Variants in GRK4 observed in about 807,000 individuals in gnomAD.
GRK4 encodes the protein G protein-coupled receptor kinase 2-like.
In GRK4, 73 loss-of-function variants were observed where a neutral mutation model predicts 77.9. The ratio of observed to expected loss-of-function variants is 0.94; its 90% CI spans 0.78 to 1.14. The LOEUF (loss-of-function observed/expected upper bound fraction) is 1.14. Among genes scored for constraint, GRK4 ranks in the 50% most tolerant of loss-of-function variants. The pLI is 0.00. For missense variants in GRK4, 729 were observed against 700.2 expected (o/e 1.04, Z -0.46); for synonymous variants, 257 against 254.4 (o/e 1.01, Z -0.10).
chr4:2,988,382 A>G (rs554886131), intron 2 of GRK4, among the ~76,000 whole-genome samples: 1 of 152,224 alleles, frequency 6.6e-6, no homozygotes, highest in South Asian at 2.1e-4. Flanking sequence ...GTCTGTTCCA[A>G]TCTTTTATCC....
At chr4:3,002,324 C>T (rs773822656) in intron 4 of GRK4, among the ~76,000 whole-genome samples, 1 of 152,070 alleles carries the variant, frequency 6.6e-6, no homozygotes, top group Non-Finnish European at 1.5e-5. Flanking sequence ...TGGACCCAGG[C>T]TGGGCACAGT....
At chr4:3,017,499 A>G (rs574758270) in intron 8 of GRK4, among the ~76,000 whole-genome samples, 2 of 152,358 alleles carry the variant, frequency 1.3e-5, no homozygotes, top group East Asian at 3.9e-4. Context: ...TTTAATATAT[A>G]TTAAGCAGAT....
intron 3 of GRK4, among the ~76,000 whole-genome samples, chr4:2,990,457 A>G (rs1216332192): frequency 1.3e-5 from 2 of 151,976 alleles, no homozygotes; most frequent in Non-Finnish European, 2.9e-5. Context: ...GGGTTTCCCC[A>G]TGTTGGCTAG....
intron 5 of GRK4, among the ~76,000 whole-genome samples, chr4:3,005,525 G>A (rs1239522006): frequency 5.3e-5 from 8 of 152,074 alleles, no homozygotes; most frequent in East Asian, 1.9e-4. Flanking sequence ...CACACAGGCC[G>A]GGCGCGGTGG....
At position 2,963,766 on chromosome 4, in the gene GRK4, G is replaced by C; in HGVS notation, c.-305G>C. On this transcript the variant is annotated 5_prime_UTR_variant, in exon 1 of 16. Transcript: ENST00000398052. ...AGGGAGTTGCGCGCGCGAGGCGAGG[G>C]CGATGGGGCCAAGAAGAACCGGGGC... The C allele has an allele frequency of 2.1e-6, 1 of 473,690 alleles. No individual in the cohort carries two copies. 29.3% of individuals were successfully genotyped at this position (473,690 alleles called of 1,614,324 possible). A position where few individuals can be genotyped will look rare whatever the true frequency, so the allele number is the denominator to read the frequency against.
At chr4:2,992,403 G>A in intron 4 of GRK4, 111 bp downstream of exon 4, 1 of 680,462 alleles carries the variant, frequency 1.5e-6, no homozygotes, top group Non-Finnish European at 2.5e-6. Flanking sequence ...AATTTGGCTG[G>A]GTGTGATGCC....
At chr4:2,996,274 G>A (rs1315638895) in intron 4 of GRK4, among the ~76,000 whole-genome samples, 1 of 152,066 alleles carries the variant, frequency 6.6e-6, no homozygotes, top group Non-Finnish European at 1.5e-5. Context: ...TGCCTCTTAG[G>A]CCGGGCGCGG....
At chr4:2,976,447 G>A (rs1308431402) in intron 1 of GRK4, among the ~76,000 whole-genome samples, 1 of 151,222 alleles carries the variant, frequency 6.6e-6, no homozygotes, top group African/African-American at 2.4e-5. Flanking sequence ...GCTGCATTCT[G>A]TTTTTTAGAA....
intron 4 of GRK4, among the ~76,000 whole-genome samples, chr4:2,998,736 T>C (rs1560415683): frequency 6.6e-6 from 1 of 152,066 alleles, no homozygotes; most frequent in East Asian, 1.9e-4. Flanking sequence ...GAAAGACATC[T>C]CCTGTTCGTG....
chr4:3,001,938 T>A (rs754072986), intron 4 of GRK4, among the ~76,000 whole-genome samples: 15 of 152,204 alleles, frequency 9.9e-5, no homozygotes, highest in African/African-American at 1.9e-4. Context: ...GGGTATTTTT[T>A]CATTGAATCT....
At chr4:3,006,392 A>G (rs560840059) in intron 5 of GRK4, among the ~76,000 whole-genome samples, 1 of 152,186 alleles carries the variant, frequency 6.6e-6, no homozygotes, top group Admixed American at 6.6e-5. Flanking sequence ...AAAAAAAAAA[A>G]AAAGAGATTT....
chr4:3,026,798 C>G (rs963576539), intron 10 of GRK4, among the ~76,000 whole-genome samples: 1 of 152,256 alleles, frequency 6.6e-6, no homozygotes, highest in Non-Finnish European at 1.5e-5. Flanking sequence ...GCTTTCCTCT[C>G]TAAAGCATCA....
At chr4:2,993,121 A>AG (rs11404518) in intron 4 of GRK4, among the ~76,000 whole-genome samples, 60,037 of 152,044 alleles carry the variant, frequency 0.39, 12,834 homozygotes, top group African/African-American at 0.55. Context: ...GTGTATTTAA[A>AG]GTTTCAGAAT....
chr4:2,982,894 G>C (rs1723224984), intron 1 of GRK4, among the ~76,000 whole-genome samples: 2 of 152,172 alleles, frequency 1.3e-5, no homozygotes, highest in South Asian at 4.2e-4. Flanking sequence ...TCTGGCATTG[G>C]CAGGTGGTTG....
intron 8 of GRK4, among the ~76,000 whole-genome samples, chr4:3,015,442 T>C (rs11937729): frequency 0.29 from 44,347 of 151,896 alleles, 6,778 homozygotes; most frequent in Non-Finnish European, 0.33. Flanking sequence ...TCCCAGCACT[T>C]TGGGAGGCCG....
At chr4:3,037,942 A>G (rs549433159) in intron 14 of GRK4, among the ~76,000 whole-genome samples, 3 of 151,554 alleles carry the variant, frequency 2.0e-5, no homozygotes, top group South Asian at 2.1e-4. Flanking sequence ...AAAAGATTGT[A>G]TAAGACTTTT....
chr4:2,978,920 C>G lies in GRK4; in HGVS notation c.53-5593C>G, dbSNP rs143564844. ...CCAGCCTGGCCCACATGCTGAAACC[C>G]CGTCTCTTACTGAAAATACACAAAT... On this transcript the variant is annotated intron_variant, in intron 1 of 15. Coordinates refer to ENST00000398052, the MANE Select transcript of GRK4 (RefSeq NM_182982.3). Among the ~76,000 whole-genome samples the G allele has an allele frequency of 3.5e-3, 527 of 151,932 alleles. 4 individuals are homozygous for G. Among genetic ancestry groups the G allele is most frequent in the African/African-American group, 9.1e-3 (379 of 41,430 alleles).
At chr4:2,988,642 G>T (rs1333639875) in intron 2 of GRK4, 85 bp from the exon 3 acceptor site, 3 of 727,200 alleles carry the variant, frequency 4.1e-6, no homozygotes, top group Non-Finnish European at 7.5e-6. Context: ...TTACTGTATC[G>T]AGTGAGAACT....
At chr4:2,980,720 C>A (rs1487246662) in intron 1 of GRK4, among the ~76,000 whole-genome samples, 2 of 152,202 alleles carry the variant, frequency 1.3e-5, no homozygotes, top group Admixed American at 6.5e-5. Context: ...CACAAACCCA[C>A]TGGGGCTGAG....
Sources: gnomAD v4.1 joint callset for allele counts (sites outside exome capture counted in the v4.1 genomes callset) on GRCh38, gnomAD v4.1.1 for gene constraint, MANE v1.5 for transcripts, NCBI Gene and HGNC (gene_info 2026-07-23, HGNC 2026-07-21) for gene names.